The following HHIP variants were observed in gnomAD, a reference collection of about 807,000 sequenced individuals.
The protein encoded by HHIP is hedgehog interacting protein.
In HHIP, 12 loss-of-function variants were observed where a neutral mutation model predicts 74.0. That is an observed-to-expected ratio of 0.16 (90% CI 0.10 to 0.26). The LOEUF (loss-of-function observed/expected upper bound fraction) is 0.26. Ranked by LOEUF, HHIP falls within the 10% of genes least tolerant of loss-of-function variation. The pLI, the probability that HHIP is intolerant of heterozygous loss-of-function variation, is 1.00. For missense variants in HHIP, 788 were observed against 845.0 expected, an observed-to-expected ratio of 0.93 and a Z score of 0.84; for synonymous variants, 309 against 311.6, an observed-to-expected ratio of 0.99 and a Z score of 0.09.
At chr4:144,732,096 A>G (rs1456370594) in intron 11 of HHIP, among the ~76,000 whole-genome samples, 1 of 152,086 alleles carries the variant, frequency 6.6e-6, no homozygotes, top group African/African-American at 2.4e-5. Flanking sequence ...TGAAGAAGGG[A>G]AAAAAATAGA....
chr4:144,701,401 A>T (rs1380032690), intron 4 of HHIP, among the ~76,000 whole-genome samples: 1 of 151,256 alleles, frequency 6.6e-6, no homozygotes, highest in African/African-American at 2.4e-5. Context: ...GTCAGAAGTT[A>T]CCAAAAGTAT....
At chr4:144,729,061 C>A (rs905866390) in intron 11 of HHIP, among the ~76,000 whole-genome samples, 1 of 152,066 alleles carries the variant, frequency 6.6e-6, no homozygotes. Context: ...AGAAAAATAT[C>A]AGTTTGTGTA....
chr4:144,724,278 T>C (rs942426539), intron 11 of HHIP, among the ~76,000 whole-genome samples: 4 of 152,208 alleles, frequency 2.6e-5, no homozygotes, highest in African/African-American at 9.6e-5. Flanking sequence ...GGTGCTATTA[T>C]ATAATAATTT....
chr4:144,703,145 C>A (rs550213882), intron 4 of HHIP, among the ~76,000 whole-genome samples: 1 of 150,764 alleles, frequency 6.6e-6, no homozygotes, highest in African/African-American at 2.4e-5. Context: ...ACCCAGGAGA[C>A]GGAGATTGCA....
chr4:144,698,492 T>C (rs1369925166), intron 4 of HHIP, among the ~76,000 whole-genome samples: 1 of 152,142 alleles, frequency 6.6e-6, no homozygotes, highest in African/African-American at 2.4e-5. Flanking sequence ...ATAGCCTAGA[T>C]GTGTAGTAGG....
At position 144,741,443 on chromosome 4, in the gene HHIP, A is replaced by C. The variant is rs1731260632; in HGVS notation, c.*3486A>C. 1 of 145,470 alleles carries C rather than the reference A, an allele frequency of 6.9e-6. No individual in the cohort carries two copies. 9.0% of individuals were successfully genotyped at this position (145,470 alleles called of 1,614,324 possible). A position where few individuals can be genotyped will look rare whatever the true frequency, so the allele number is the denominator to read the frequency against. ...TGTTGCCCAGGCTGCAGAGCAGCAC[A>C]ATCTCAGCTCACTACAACCTCCGCC... On this transcript the variant is annotated 3_prime_UTR_variant, in exon 13 of 13. Transcript: ENST00000296575.
chr4:144,688,896 C>A (rs1030863240), intron 4 of HHIP, among the ~76,000 whole-genome samples: 2 of 152,124 alleles, frequency 1.3e-5, no homozygotes, highest in Admixed American at 6.5e-5. Context: ...CATTGGAGTG[C>A]TTATTTCTTC....
Position 144,738,158 on chromosome 4 carries a change from AC to A in HHIP, c.*205del, listed in dbSNP as rs1731172130. 1 of 1,204,916 alleles carries A rather than the reference AC, an allele frequency of 8.3e-7. No individual in the cohort carries two copies. The allele number at this position is 1,204,916 out of a possible 1,614,324, so 74.6% of individuals were successfully genotyped here. On this transcript the variant is annotated 3_prime_UTR_variant, in exon 13 of 13. Transcript: ENST00000296575. ...ACATATGCACATACACATACTCATA[AC>A]CCCTATATGCGTTGTTGCATAACAG... is the stretch of plus-strand genomic sequence containing the variant.
intron 6 of HHIP, among the ~76,000 whole-genome samples, chr4:144,707,886 G>T (rs1454855160): frequency 6.6e-6 from 1 of 152,076 alleles, no homozygotes; most frequent in Non-Finnish European, 1.5e-5. Flanking sequence ...GATCCGCCTG[G>T]CCGCATGCCA....
chr4:144,738,511 C>T lies in HHIP; in HGVS notation c.*554C>T. 1 of 972,354 alleles carries T rather than the reference C, an allele frequency of 1.0e-6. No individual in the cohort carries two copies. 60.2% of individuals were successfully genotyped at this position (972,354 alleles called of 1,614,324 possible). A position where few individuals can be genotyped will look rare whatever the true frequency, so the allele number is the denominator to read the frequency against. ...TGTCAGTGTATCCAGTTACAGAATG[C>T]TACACACTTACCTTTTTATTGGCTG... On this transcript the variant is annotated 3_prime_UTR_variant, in exon 13 of 13. Coordinates refer to ENST00000296575, the MANE Select transcript of HHIP (RefSeq NM_022475.3).
chr4:144,668,524 C>A (rs1728941900), intron 4 of HHIP, among the ~76,000 whole-genome samples: 1 of 152,118 alleles, frequency 6.6e-6, no homozygotes, highest in Admixed American at 6.6e-5. Flanking sequence ...GAGGCCTAGG[C>A]GGGCAGATCA....
chr4:144,737,727 A>G, intron 12 of HHIP, 37 bp from the exon 13 acceptor site: 1 of 1,539,768 alleles, frequency 6.5e-7, no homozygotes. Flanking sequence ...GACATACAGA[A>G]TGAGAGTGTG....
rs1159842970 is a variant in HHIP, at chr4:144,739,151, CTT to C, written c.*1196_*1197del. The C allele has an allele frequency of 6.6e-6, 1 of 152,210 alleles. No homozygotes were observed. The highest frequency in any genetic ancestry group is 1.5e-5 in the Non-Finnish European group (1 of 68,032). 9.4% of individuals were successfully genotyped at this position (152,210 alleles called of 1,614,324 possible). ...TCCTTCAGAACTCAATGAAAATACT[CTT>C]TGGCTAATGTATCAATAAATTTTCT... On this transcript the variant is annotated 3_prime_UTR_variant, in exon 13 of 13. Transcript: ENST00000296575.
intron 4 of HHIP, among the ~76,000 whole-genome samples, chr4:144,676,258 A>G (rs1438224570): frequency 1.3e-5 from 2 of 152,184 alleles, no homozygotes; most frequent in Admixed American, 1.3e-4. Flanking sequence ...TTGGATCCAG[A>G]GAGATAATAA....
chr4:144,652,855 C>T lies in HHIP; in HGVS notation c.472+58C>T, dbSNP rs1345828024. Reference sequence around the variant, plus strand: ...CACTGCACAATATCCTTGTAAGATACTTGTACTTAAATGCTTATTTACAAA... The same window carrying T: ...CACTGCACAATATCCTTGTAAGATATTTGTACTTAAATGCTTATTTACAAA... On this transcript the variant is annotated intron_variant, in intron 2 of 12. Transcript: ENST00000296575. 3.5e-6 allele frequency: 4 copies of T among 1,128,870 alleles called. No homozygotes were observed. In the African/African-American group the frequency reaches 6.4e-5, roughly 18 times the overall value. 69.9% of individuals were successfully genotyped at this position (1,128,870 alleles called of 1,614,324 possible).
Position 144,741,081 on chromosome 4 carries a change from A to C in HHIP, c.*3124A>C, listed in dbSNP as rs1731251447. ...TTTAAGAAATTGAGTGATGGCTAAA[A>C]GTAAGTGCTTCCATCCATAACTTTT... On this transcript the variant is annotated 3_prime_UTR_variant, in exon 13 of 13. Transcript: ENST00000296575. The C allele has an allele frequency of 6.6e-6, 1 of 152,124 alleles. No homozygotes were observed. The highest frequency in any genetic ancestry group is 1.5e-5 in the Non-Finnish European group (1 of 68,028). 9.4% of individuals were successfully genotyped at this position (152,124 alleles called of 1,614,324 possible). A position where few individuals can be genotyped will look rare whatever the true frequency, so the allele number is the denominator to read the frequency against.
chr4:144,678,598 T>G (rs530439532), intron 4 of HHIP, among the ~76,000 whole-genome samples: 11 of 152,194 alleles, frequency 7.2e-5, no homozygotes, highest in African/African-American at 2.6e-4. Context: ...TGTGTCCACA[T>G]GTTCTCATTC....
Position 144,693,472 on chromosome 4 carries a change from C to T in HHIP, c.832-13059C>T, listed in dbSNP as rs183631444. On this transcript the variant is annotated intron_variant, in intron 4 of 12. Coordinates refer to ENST00000296575, the MANE Select transcript of HHIP (RefSeq NM_022475.3). The stretch of plus-strand genomic sequence containing the variant: ...GAGCTTTTATTCATTGAAATCTATC[C>T]TATTGGAGAAACTCCCATGGAAAAC... Among the ~76,000 whole-genome samples the T allele has an allele frequency of 8.1e-3, 1,235 of 152,088 alleles. 11 individuals are homozygous for T. The highest frequency in any genetic ancestry group is 0.012 in the Non-Finnish European group (825 of 67,976).
chr4:144,687,637 C>T (rs1729526323), intron 4 of HHIP, among the ~76,000 whole-genome samples: 1 of 151,780 alleles, frequency 6.6e-6, no homozygotes, highest in Non-Finnish European at 1.5e-5. Context: ...GCTGATGCTT[C>T]AGTGTCTTCA....
Sources: allele counts gnomAD v4.1 joint callset (sites outside exome capture counted in the v4.1 genomes callset), GRCh38; gene constraint gnomAD v4.1.1; transcripts MANE v1.5; gene names NCBI Gene and HGNC (gene_info 2026-07-23, HGNC 2026-07-21).